Variants in DDX3Y observed in about 807,000 individuals in gnomAD.
DDX3Y encodes DEAD-box helicase 3 Y-linked, also known as ATP-dependent RNA helicase DDX3Y.
A neutral mutation model predicts 15.1 loss-of-function variants in DDX3Y; 2 were observed. That is an observed-to-expected ratio of 0.13 (90% CI 0.05 to 0.42). The LOEUF (loss-of-function observed/expected upper bound fraction) is 0.42. DDX3Y is among the 10% of genes least tolerant of loss of function. DDX3Y has a pLI of 0.99. For missense variants in DDX3Y, 81 were observed against 149.9 expected, an observed-to-expected ratio of 0.54 and a Z score of 2.40; for synonymous variants, 47 against 45.0, an observed-to-expected ratio of 1.04 and a Z score of -0.18.
chrY:12,913,930 G>A, intron 7 of DDX3Y, 77 bp downstream of exon 7: 2 of 270,487 alleles, frequency 7.4e-6, no homozygotes, highest in Admixed American at 1.1e-4. Flanking sequence ...TTCTGAAGGG[G>A]ATGTCTGAAT....
At chrY:12,914,384 T>G in intron 7 of DDX3Y, among the ~76,000 whole-genome samples, 180 bp from the exon 8 acceptor site, 1 of 34,391 alleles carries the variant, frequency 2.9e-5, no homozygotes, top group Non-Finnish European at 7.3e-5. Flanking sequence ...TTGTACAAAT[T>G]GAAATACATT....
In DDX3Y at chrY:12,910,526, G is replaced by GT. The variant is rs9341295; in HGVS notation, c.151+1126dup. ...ACATGGAAAGTAGGCAACAATGAGG[G>GT]TTTTTTTGTTTTAACACAAGTATAC... On this transcript the variant is annotated intron_variant, in intron 3 of 16. Coordinates refer to ENST00000336079, the MANE Select transcript of DDX3Y (RefSeq NM_004660.5). Among the ~76,000 whole-genome samples, 4 of 33,124 alleles carry GT rather than the reference G, an allele frequency of 1.2e-4. No individual in the cohort carries two copies. In the Middle Eastern group the frequency reaches 0.043, roughly 360 times the overall value. 88.9% of individuals were successfully genotyped at this position (33,124 alleles called of 37,273 possible). A position where few individuals can be genotyped will look rare whatever the true frequency, so the allele number is the denominator to read the frequency against.
intron 7 of DDX3Y, 41 bp downstream of exon 7, chrY:12,913,894 A>G: frequency 2.8e-6 from 1 of 359,731 alleles, no homozygotes; most frequent in Non-Finnish European, 3.9e-6. Context: ...AGAATACCTG[A>G]TCAGACTTAC....
intron 3 of DDX3Y, among the ~76,000 whole-genome samples, chrY:12,911,079 A>T: frequency 3.2e-5 from 1 of 31,523 alleles, no homozygotes; most frequent in Non-Finnish European, 7.7e-5. Flanking sequence ...TGCCCAGCTA[A>T]TTTTTTTGTA....
intron 14 of DDX3Y, 106 bp downstream of exon 14, chrY:12,916,740 T>C (rs959701998): frequency 1.0e-4 from 23 of 228,870 alleles, no homozygotes; most frequent in Non-Finnish European, 1.6e-4. Flanking sequence ...AAATTTCATA[T>C]CAGATTAATC....
intron 1 of DDX3Y, chrY:12,905,960 C>T: frequency 2.4e-5 from 2 of 82,709 alleles, no homozygotes; most frequent in Non-Finnish European, 5.7e-5. Flanking sequence ...AAACTAACCT[C>T]GAATGTTGAT....
chrY:12,913,884 A>G, intron 7 of DDX3Y, 31 bp downstream of exon 7: 2 of 373,415 alleles, frequency 5.4e-6, no homozygotes, highest in Non-Finnish European at 7.5e-6. Context: ...GTGAAAGTTA[A>G]GAATACCTGA....
chrY:12,905,451 G>C, intron 1 of DDX3Y, among the ~76,000 whole-genome samples: 1 of 34,220 alleles, frequency 2.9e-5, no homozygotes, highest in African/African-American at 1.1e-4. Context: ...CGAGAAGAAA[G>C]AGTAGTATGG....
Position 12,917,416 on chromosome Y carries a change from G to A in DDX3Y, c.1777G>A (p.Gly593Arg). The stretch of plus-strand genomic sequence containing the variant: ...TTTTGCTTACAGTAATAGATTCAGT[G>A]GAGGATTTGGTGCCAGAGACTATCG... ...RGRSKSNRFS[G>R]GFGARDYRQS... The change falls in exon 16 of 17, where the codon GGA becomes AGA. Residue 593 changes from glycine to arginine, a missense_variant. Around this residue, in one of 2 missense-constraint regions of DDX3Y, gnomAD observed 52 missense variants for 122.8 expected, o/e 0.42. Coordinates refer to ENST00000336079, the MANE Select transcript of DDX3Y (RefSeq NM_004660.5). 2.5e-6 allele frequency: 1 copy of A among 398,282 alleles called. No individual in the cohort carries two copies. The highest frequency in any genetic ancestry group is 3.5e-6 in the Non-Finnish European group (1 of 283,249).
intron 1 of DDX3Y, chrY:12,905,747 C>T: frequency 3.2e-6 from 1 of 313,310 alleles, no homozygotes; most frequent in Non-Finnish European, 4.3e-6. Context: ...GGAAGGATGG[C>T]TGCCGCGTGC....
intron 3 of DDX3Y, chrY:12,909,715 CTG>C (rs2053622476): frequency 2.4e-5 from 1 of 42,184 alleles, no homozygotes; most frequent in African/African-American, 1.2e-4. Context: ...GTAAAAGAAA[CTG>C]TGTAGTGATA....
At chrY:12,914,690 A>G (rs766386267) in intron 8 of DDX3Y, 41 bp downstream of exon 8, 2 of 313,949 alleles carry the variant, frequency 6.4e-6, no homozygotes, top group Non-Finnish European at 9.5e-6. Context: ...TTGTTTTAAA[A>G]AGCTTTGCAA....
rs2053659735 is a variant in DDX3Y at position 12,919,130 on chromosome Y, C to CTTTAATTTAAGCCTAAATTAATTTAA, written c.*1018_*1019insGCCTAAATTAATTTAATTTAATTTAA. The CTTTAATTTAAGCCTAAATTAATTTAA allele has an allele frequency of 8.1e-4, 27 of 33,406 alleles. No individual in the cohort carries two copies. The highest frequency in any genetic ancestry group is 7.4e-3 in the Admixed American group (27 of 3,659). The allele number at this position is 33,406 out of a possible 400,897, so 8.3% of individuals were successfully genotyped here. On this transcript the variant is annotated 3_prime_UTR_variant, in exon 17 of 17. Transcript: ENST00000336079. The stretch of plus-strand genomic sequence containing the variant: ...TAAACAGGAAGGATTGTGCAGCAGG[C>CTTTAATTTAAGCCTAAATTAATTTAA]TTTAATTTAATGTAGATTCATACTG...
chrY:12,917,987 G>GA, intron 16 of DDX3Y, 56 bp from the exon 17 acceptor site: 2 of 274,613 alleles, frequency 7.3e-6, no homozygotes, highest in Non-Finnish European at 1.1e-5. Flanking sequence ...AAGTACTTGA[G>GA]AAAAAAAAGG....
Position 12,915,235 on chromosome Y carries a change from A to G in DDX3Y, c.1019+8A>G. 1 of 396,324 alleles carries G rather than the reference A, an allele frequency of 2.5e-6. No individual in the cohort carries two copies. Among genetic ancestry groups the G allele is most frequent in the Non-Finnish European group, 3.6e-6 (1 of 281,497 alleles). On this transcript the variant is annotated splice_region_variant and intron_variant, in intron 10 of 16. Coordinates refer to ENST00000336079, the MANE Select transcript of DDX3Y (RefSeq NM_004660.5). ...TGGATTAGACTTCTGCAAGTATGTCAGTTTTTATATATGGGGTGCATCTAT... is the reference window on the plus strand; with the variant it reads ...TGGATTAGACTTCTGCAAGTATGTCGGTTTTTATATATGGGGTGCATCTAT...
intron 2 of DDX3Y, 139 bp from the exon 3 acceptor site, chrY:12,909,221 C>T: frequency 6.2e-6 from 1 of 162,516 alleles, no homozygotes; most frequent in Non-Finnish European, 1.1e-5. Context: ...ATTTTTTCCG[C>T]TCATCTTGCA....
chrY:12,907,605 C>T lies in DDX3Y; in HGVS notation c.103+11C>T, dbSNP rs2053615556. 1 of 349,058 alleles carries T rather than the reference C, an allele frequency of 2.9e-6. No homozygotes were observed. The highest frequency in any genetic ancestry group is 4.0e-6 in the Non-Finnish European group (1 of 250,371). The allele number at this position is 349,058 out of a possible 400,897, so 87.1% of individuals were successfully genotyped here. A position where few individuals can be genotyped will look rare whatever the true frequency, so the allele number is the denominator to read the frequency against. ...CAAGTACAGCGAGCAGTAAGTAAAA[C>T]TTTTTTTAAAAATGGAGTGTTTATC... On this transcript the variant is annotated intron_variant, in intron 2 of 16. Transcript: ENST00000336079.
chrY:12,906,774 T>TTA (rs2053613223), intron 1 of DDX3Y, among the ~76,000 whole-genome samples: 1 of 30,100 alleles, frequency 3.3e-5, no homozygotes, highest in African/African-American at 1.3e-4. Context: ...AGGTAAGGTA[T>TTA]TATGCTGAAA....
chrY:12,906,960 A>G, intron 1 of DDX3Y, among the ~76,000 whole-genome samples: 1 of 32,369 alleles, frequency 3.1e-5, no homozygotes, highest in African/African-American at 1.2e-4. Context: ...AAATGCTACC[A>G]TCTCCATAAA....
Sources: allele counts gnomAD v4.1 joint callset (sites outside exome capture counted in the v4.1 genomes callset), GRCh38; gene constraint gnomAD v4.1.1; regional missense constraint gnomAD v4.1.1; transcripts MANE v1.5; gene names NCBI Gene and HGNC (gene_info 2026-07-23, HGNC 2026-07-21).